Variants in ZNF516 observed in about 807,000 individuals in gnomAD.
The protein encoded by ZNF516 is zinc finger protein 516.
Under a neutral mutation model 79.7 loss-of-function variants are expected in ZNF516, and 19 were observed. The ratio of observed to expected loss-of-function variants is 0.24; its 90% CI spans 0.17 to 0.35. The LOEUF (loss-of-function observed/expected upper bound fraction) is 0.35. Among genes scored for constraint, ZNF516 ranks in the 10% least tolerant of loss-of-function variants. The pLI, the probability that ZNF516 is intolerant of heterozygous loss-of-function variation, is 1.00. For missense variants in ZNF516, 1,678 were observed against 1,679.5 expected (o/e 1.00, Z 0.02); for synonymous variants, 877 against 739.5 (o/e 1.19, Z -3.02).
chr18:76,437,067 AACACACACACACACACACAC>A (rs370573337), intron 3 of ZNF516, among the ~76,000 whole-genome samples: 2,393 of 135,982 alleles, frequency 0.018, 29 homozygotes, highest in Middle Eastern at 0.043. Flanking sequence ...ACCTGTCTAA[AACACACACACACACACACAC>A]ACACACACAC....
In ZNF516 at chr18:76,371,946, G is replaced by A. The variant is rs567288573; in HGVS notation, c.3260-375C>T. ...AGAGTGACACCGGCGTGACAGAGAC[G>A]AGGCTCATGGAAAATAGGAAGTGAG... On this transcript the variant is annotated intron_variant, in intron 4 of 6. Transcript: ENST00000443185. Among the ~76,000 whole-genome samples the A allele has an allele frequency of 1.5e-4, 23 of 152,296 alleles. No homozygotes were observed. In the East Asian group the frequency reaches 2.9e-3, roughly 19 times the overall value.
intron 3 of ZNF516, among the ~76,000 whole-genome samples, chr18:76,435,748 A>G (rs930954425): frequency 6.6e-6 from 1 of 152,224 alleles, no homozygotes; most frequent in African/African-American, 2.4e-5. Context: ...TCTTCTCTCC[A>G]GGTAGAGCCC....
At chr18:76,446,191 CG>C (rs1568301568) in intron 2 of ZNF516, among the ~76,000 whole-genome samples, 1 of 152,170 alleles carries the variant, frequency 6.6e-6, no homozygotes, top group East Asian at 1.9e-4. Context: ...CACATGTCAC[CG>C]AAGCCCCTTG....
At chr18:76,402,145 G>A (rs928986416) in intron 3 of ZNF516, among the ~76,000 whole-genome samples, 66 of 152,326 alleles carry the variant, frequency 4.3e-4, no homozygotes, top group African/African-American at 1.4e-3. Flanking sequence ...ATTTGCTGAA[G>A]ACATCGCCTC....
chr18:76,366,352 T>A (rs951842776), intron 6 of ZNF516, among the ~76,000 whole-genome samples: 1 of 152,206 alleles, frequency 6.6e-6, no homozygotes, highest in African/African-American at 2.4e-5. Context: ...AAACCAACCA[T>A]GTCTGTCTAC....
At chr18:76,416,982 T>C (rs928568891) in intron 3 of ZNF516, among the ~76,000 whole-genome samples, 3 of 152,052 alleles carry the variant, frequency 2.0e-5, no homozygotes, top group South Asian at 4.1e-4. Context: ...CTGGGAAACA[T>C]AACCCAAAGA....
intron 1 of ZNF516, chr18:76,490,177 C>G: frequency 1.0e-6 from 1 of 985,344 alleles, no homozygotes; most frequent in African/African-American, 1.7e-5. Context: ...TTCAAGATGG[C>G]CATGGGGGTC....
At chr18:76,389,232 G>A (rs1200004949) in intron 3 of ZNF516, 1 of 150,080 alleles carries the variant, frequency 6.7e-6, no homozygotes, top group Non-Finnish European at 1.5e-5. Context: ...GTCAAGGCCA[G>A]AACCTGGCCT....
At chr18:76,482,622 G>A (rs561831095) in intron 1 of ZNF516, among the ~76,000 whole-genome samples, 13 of 152,326 alleles carry the variant, frequency 8.5e-5, no homozygotes, top group East Asian at 1.9e-4. Flanking sequence ...ACGCATTTCC[G>A]ACTTAAAAGT....
chr18:76,365,188 A>AT (rs1363022945), intron 6 of ZNF516, among the ~76,000 whole-genome samples: 1 of 152,256 alleles, frequency 6.6e-6, no homozygotes, highest in Non-Finnish European at 1.5e-5. Flanking sequence ...TAATGGAATT[A>AT]TTTATCCAGC....
intron 2 of ZNF516, among the ~76,000 whole-genome samples, chr18:76,445,798 G>A (rs1912009945): frequency 6.6e-6 from 1 of 152,248 alleles, no homozygotes; most frequent in Non-Finnish European, 1.5e-5. Flanking sequence ...CCTGGTCAGG[G>A]CCGTTAGAGA....
In ZNF516 at chr18:76,441,471, A is replaced by G. The variant is rs1482666874; in HGVS notation, c.1584T>C (p.His528=). 6.2e-7 allele frequency: 1 copy of G among 1,604,022 alleles called. No individual in the cohort carries two copies. Among genetic ancestry groups the G allele is most frequent in the East Asian group, 2.2e-5 (1 of 44,512 alleles). The change falls in exon 3 of 7, where the codon CAT becomes CAC. Residue 528 remains histidine, a synonymous_variant. Coordinates refer to ENST00000443185, the MANE Select transcript of ZNF516 (RefSeq NM_014643.4). ...FECGKIFRTY[H]QMVLHSRVHR... ...GCACGCGTGAGTGCAGCACCATCTG[A>G]TGATAGGTGCGGAAGATCTTGCCGC...
chr18:76,487,842 G>T (rs1477425931), intron 1 of ZNF516: 1 of 745,826 alleles, frequency 1.3e-6, no homozygotes, highest in Non-Finnish European at 1.6e-6. Context: ...ATGGCCCCTA[G>T]ATACATTCCC....
chr18:76,473,257 A>C (rs916403121), intron 1 of ZNF516, among the ~76,000 whole-genome samples: 8 of 151,730 alleles, frequency 5.3e-5, no homozygotes, highest in South Asian at 2.1e-4. Context: ...AAGACCAAGT[A>C]AGTCAGTTTC....
chr18:76,404,397 CTG>C (rs199644248), intron 3 of ZNF516, among the ~76,000 whole-genome samples: 2,430 of 152,156 alleles, frequency 0.016, 29 homozygotes, highest in Middle Eastern at 0.041. Flanking sequence ...TTTAGAGTAT[CTG>C]TGTGAGTGTG....
intron 1 of ZNF516, among the ~76,000 whole-genome samples, chr18:76,480,680 G>A (rs1412839683): frequency 6.6e-6 from 1 of 151,926 alleles, no homozygotes; most frequent in African/African-American, 2.4e-5. Context: ...CCGCCACCAC[G>A]CTCAGTTAAT....
chr18:76,480,488 T>C (rs28540807), intron 1 of ZNF516, among the ~76,000 whole-genome samples: 2 of 138,870 alleles, frequency 1.4e-5, no homozygotes, highest in African/African-American at 3.0e-5. Flanking sequence ...CACACACATA[T>C]ACACATACAC....
chr18:76,425,514 C>T (rs2075581418), intron 3 of ZNF516, among the ~76,000 whole-genome samples: 1 of 152,192 alleles, frequency 6.6e-6, no homozygotes. Context: ...ACCACTGATT[C>T]CCCATCTCTT....
chr18:76,402,401 C>T (rs1340255850), intron 3 of ZNF516, among the ~76,000 whole-genome samples: 2 of 17,182 alleles, frequency 1.2e-4, no homozygotes, highest in Non-Finnish European at 2.5e-4. Flanking sequence ...TGCCTAGGTC[C>T]GAGGACATTT....
Sources: allele counts gnomAD v4.1 joint callset (sites outside exome capture counted in the v4.1 genomes callset), GRCh38; gene constraint gnomAD v4.1.1; transcripts MANE v1.5; gene names NCBI Gene and HGNC (gene_info 2026-07-23, HGNC 2026-07-21).